Variants in MYO9B observed in about 807,000 individuals in gnomAD.
MYO9B encodes the protein myosin IXB, also known as unconventional myosin-IXb.
Under a neutral mutation model 229.5 loss-of-function variants are expected in MYO9B, and 71 were observed. That is an observed-to-expected ratio of 0.31 (90% CI 0.26 to 0.38). The LOEUF (loss-of-function observed/expected upper bound fraction) is 0.38, where lower values mean the gene tolerates loss of function less well. MYO9B is among the 10% of genes least tolerant of loss of function. The pLI is 1.00. For synonymous variants in MYO9B, 1,185 were observed against 1,235.8 expected (o/e 0.96, Z 0.86); for missense variants, 2,255 against 2,920.5 (o/e 0.77, Z 5.25).
chr19:17,202,562 T>C (rs566771748), intron 28 of MYO9B, among the ~76,000 whole-genome samples: 1 of 152,300 alleles, frequency 6.6e-6, no homozygotes, highest in East Asian at 1.9e-4. Context: ...CAACATGCTA[T>C]GCCTACCCAT....
chr19:17,132,249 A>G (rs56761153), intron 2 of MYO9B, among the ~76,000 whole-genome samples: 23,738 of 129,032 alleles, frequency 0.18, 2,328 homozygotes, highest in East Asian at 0.29. Context: ...GCAGTGGTGC[A>G]ATCTTGACTC....
intron 4 of MYO9B, among the ~76,000 whole-genome samples, chr19:17,153,695 CAA>C (rs60449061): frequency 3.1e-4 from 37 of 120,606 alleles, no homozygotes; most frequent in Non-Finnish European, 3.4e-4. Context: ...GACCGTATCT[CAA>C]AAAAAAAAAA....
At position 17,206,341 on chromosome 19, in the gene MYO9B, CCTT is replaced by C; in HGVS notation, c.5353_5355del (p.Phe1785del). ...CGGGAGCTGCCCGAGCCCCTCATGA[CCTT>C]CGCACAGTACGGCGACTTCCTCCGA... On this transcript the variant is annotated inframe_deletion, in exon 33 of 40. Coordinates refer to ENST00000682292, the MANE Select transcript of MYO9B (RefSeq NM_004145.4). 6.2e-7 allele frequency: 1 copy of C among 1,610,698 alleles called. No individual in the cohort carries two copies. The highest frequency in any genetic ancestry group is 8.5e-7 in the Non-Finnish European group (1 of 1,179,506).
intron 1 of MYO9B, among the ~76,000 whole-genome samples, chr19:17,099,773 G>A (rs1168349432): frequency 1.4e-4 from 20 of 141,848 alleles, no homozygotes; most frequent in Admixed American, 7.3e-4. Context: ...AGCCAAGATA[G>A]CGCCACTGCA....
chr19:17,188,108 C>A, intron 19 of MYO9B, 63 bp downstream of exon 19: 1 of 1,394,546 alleles, frequency 7.2e-7, no homozygotes, highest in Non-Finnish European at 9.9e-7. Flanking sequence ...CACCCTCTTC[C>A]AAAGAGAGCT....
In MYO9B at chr19:17,192,957, T is replaced by A. The variant is rs1431496686; in HGVS notation, c.3023T>A (p.Leu1008His). The A allele has an allele frequency of 6.5e-7, 1 of 1,535,752 alleles. No homozygotes were observed. The highest frequency in any genetic ancestry group is 8.8e-7 in the Non-Finnish European group (1 of 1,136,276). Residue 1008 changes from leucine to histidine, a missense_variant, in exon 21 of 40, where the codon CTC becomes CAC. Around this residue, in one of 7 missense-constraint regions of MYO9B, gnomAD observed 679 missense variants for 770.2 expected, o/e 0.88. Coordinates refer to ENST00000682292, the MANE Select transcript of MYO9B (RefSeq NM_004145.4). ...ALERTQAAVY[L>H]QASWRGYWQR... ...GAGAGGACGCAGGCTGCCGTGTACC[T>A]CCAGGCCTCATGGAGGGGCTACTGG...
chr19:17,094,818 T>C (rs2057672574), intron 1 of MYO9B, among the ~76,000 whole-genome samples: 1 of 152,110 alleles, frequency 6.6e-6, no homozygotes, highest in Admixed American at 6.6e-5. Context: ...GGCATGTGCC[T>C]GTAGTCCCAG....
intron 1 of MYO9B, among the ~76,000 whole-genome samples, chr19:17,083,948 G>A (rs1231401106): frequency 1.3e-5 from 2 of 152,120 alleles, no homozygotes; most frequent in African/African-American, 4.8e-5. Context: ...ACCATGCCCA[G>A]CCCGCACATT....
At chr19:17,115,649 A>G (rs2057895317) in intron 2 of MYO9B, among the ~76,000 whole-genome samples, 1 of 151,630 alleles carries the variant, frequency 6.6e-6, no homozygotes, top group Non-Finnish European at 1.5e-5. Flanking sequence ...TTGTATTTTT[A>G]GTAGAAATGG....
chr19:17,096,866 C>T (rs2057697780), intron 1 of MYO9B, among the ~76,000 whole-genome samples: 1 of 150,630 alleles, frequency 6.6e-6, no homozygotes, highest in South Asian at 2.1e-4. Context: ...CCACTGCGCC[C>T]AGCTAATTTT....
At chr19:17,114,979 T>C (rs2057887082) in intron 2 of MYO9B, among the ~76,000 whole-genome samples, 1 of 151,838 alleles carries the variant, frequency 6.6e-6, no homozygotes, top group Non-Finnish European at 1.5e-5. Context: ...CTTTTCATTT[T>C]TCTTAACTTT....
intron 21 of MYO9B, 109 bp from the exon 22 acceptor site, chr19:17,194,447 A>T: frequency 8.0e-7 from 1 of 1,252,436 alleles, no homozygotes; most frequent in Non-Finnish European, 1.1e-6. Flanking sequence ...CACTGGGCAC[A>T]GGCGAAGCCC....
At chr19:17,076,518 AGAAG>A (rs1487185401) in intron 1 of MYO9B, among the ~76,000 whole-genome samples, 1 of 151,958 alleles carries the variant, frequency 6.6e-6, no homozygotes, top group Non-Finnish European at 1.5e-5. Context: ...AGGAGGGAAG[AGAAG>A]GAAGGGGTTA....
chr19:17,168,173 T>C (rs2072681556), intron 11 of MYO9B, 109 bp downstream of exon 11: 1 of 1,411,884 alleles, frequency 7.1e-7, no homozygotes, highest in African/African-American at 1.4e-5. Flanking sequence ...AAGAGCGCCT[T>C]TTTATTTTTG....
chr19:17,177,141 C>T (rs980137930), intron 14 of MYO9B, among the ~76,000 whole-genome samples: 3 of 152,116 alleles, frequency 2.0e-5, no homozygotes, highest in South Asian at 2.1e-4. Context: ...ATGGAAGTTG[C>T]GGTGAGCCAA....
chr19:17,159,442 G>A lies in MYO9B; in HGVS notation c.1377G>A (p.Val459=). The change falls in exon 8 of 40, where the codon GTG becomes GTA. Residue 459 remains valine (V), a synonymous_variant. Transcript: ENST00000682292. ...AGGTTCTGACCAAAAGAAAAACGGT[G>A]ACCGTCAACGACAAGCTTATCCTTC... ...LVEVLTKRKT[V]TVNDKLILPY... 6.2e-7 allele frequency: 1 copy of A among 1,610,610 alleles called. No individual in the cohort carries two copies. The highest frequency in any genetic ancestry group is 8.5e-7 in the Non-Finnish European group (1 of 1,178,472).
chr19:17,110,790 C>T (rs968337299), intron 2 of MYO9B, among the ~76,000 whole-genome samples: 2 of 152,138 alleles, frequency 1.3e-5, no homozygotes, highest in African/African-American at 4.8e-5. Context: ...GCCAAGCTCA[C>T]CCGAAGTTGT....
At chr19:17,159,528 C>T in intron 8 of MYO9B, 44 bp downstream of exon 8, 1 of 1,526,536 alleles carries the variant, frequency 6.6e-7, no homozygotes, top group Admixed American at 1.9e-5. Context: ...ATCCCAAAAA[C>T]CAAGTGGGAA....
In MYO9B at chr19:17,102,021, G is replaced by A. The variant is rs765947052; in HGVS notation, c.304G>A (p.Glu102Lys). Residue 102 changes from glutamate (E) to lysine (K), a missense_variant, in exon 2 of 40, where the codon GAG (glutamate) becomes AAG (lysine). This residue lies in a region of MYO9B where 386 missense variants were observed against 515.2 expected (regional missense o/e 0.75). Transcript: ENST00000682292. The part of the protein sequence containing the change: ...PRRAQDEHPQ[E>K]DGYYFLLQER... Reference sequence around the variant, plus strand: ...GCGGGCACAGGACGAGCACCCTCAGGAGGATGGCTACTACTTCCTGCTGCA... The same window carrying A: ...GCGGGCACAGGACGAGCACCCTCAGAAGGATGGCTACTACTTCCTGCTGCA... 3 of 1,612,550 alleles carry A rather than the reference G, an allele frequency of 1.9e-6. No individual in the cohort carries two copies. In the East Asian group the frequency reaches 6.7e-5, roughly 36 times the overall value.
Sources: allele counts gnomAD v4.1 joint callset (sites outside exome capture counted in the v4.1 genomes callset), GRCh38; gene constraint gnomAD v4.1.1; regional missense constraint gnomAD v4.1.1; transcripts MANE v1.5; gene names NCBI Gene and HGNC (gene_info 2026-07-23, HGNC 2026-07-21).